The following PTPRA variants were observed in gnomAD, a reference collection of about 807,000 sequenced individuals.
PTPRA encodes protein tyrosine phosphatase receptor type A, also known as receptor-type tyrosine-protein phosphatase alpha.
In PTPRA, 25 loss-of-function variants were observed where a neutral mutation model predicts 104.8. The ratio of observed to expected loss-of-function variants is 0.24; its 90% CI spans 0.17 to 0.33. The LOEUF is 0.33. Among genes scored for constraint, PTPRA ranks in the 10% least tolerant of loss-of-function variants. The pLI, the probability that PTPRA is intolerant of heterozygous loss-of-function variation, is 1.00. For synonymous variants in PTPRA, 323 were observed against 368.9 expected (o/e 0.88, Z 1.43); for missense variants, 765 against 1,015.3 (o/e 0.75, Z 3.35).
chr20:2,875,335 C>T (rs1031436112), intron 1 of PTPRA, among the ~76,000 whole-genome samples: 1 of 152,192 alleles, frequency 6.6e-6, no homozygotes, highest in African/African-American at 2.4e-5. Flanking sequence ...ACTAAAAGCC[C>T]TTCAGTCTCT....
upstream of PTPRA, among the ~76,000 whole-genome samples, chr20:2,871,019 C>T (rs6138922): frequency 0.016 from 2,367 of 152,240 alleles, 124 homozygotes; most frequent in Admixed American, 0.09. Flanking sequence ...CTGGGCAGGT[C>T]TCTACAGGCA....
intron 20 of PTPRA, among the ~76,000 whole-genome samples, chr20:3,030,676 C>CTTTTTTTT (rs1180681994): frequency 1.2e-4 from 8 of 67,732 alleles, no homozygotes; most frequent in East Asian, 1.0e-3. Flanking sequence ...TCTCCCTCTG[C>CTTTTTTTT]TTTTTTTTTT....
chr20:2,873,999 G>A lies in PTPRA; in HGVS notation c.-129+239G>A, dbSNP rs1418830446. ...GTGCCGACCCCTCGCGACTGCCCAGGAACTTTGCATGCGTCCTTCTGGGAC... is the reference window on the plus strand; with the variant it reads ...GTGCCGACCCCTCGCGACTGCCCAGAAACTTTGCATGCGTCCTTCTGGGAC... On this transcript the variant is annotated intron_variant, in intron 1 of 23. Transcript: ENST00000399903. The surrounding 1 kb of genome is among the most constrained non-coding windows in gnomAD (Gnocchi z 4.4). Among the ~76,000 whole-genome samples the A allele has an allele frequency of 6.6e-6, 1 of 152,224 alleles. No individual in the cohort carries two copies. Among genetic ancestry groups the A allele is most frequent in the Non-Finnish European group, 1.5e-5 (1 of 68,036 alleles).
intron 6 of PTPRA, among the ~76,000 whole-genome samples, chr20:2,977,635 ACT>A (rs933310030): frequency 1.1e-4 from 16 of 150,318 alleles, no homozygotes; most frequent in African/African-American, 3.2e-4. Context: ...ACAGAGCAAG[ACT>A]CTGTCTCAAA....
chr20:2,989,162 C>T (rs966505459), intron 9 of PTPRA, among the ~76,000 whole-genome samples: 20 of 152,196 alleles, frequency 1.3e-4, no homozygotes, highest in Admixed American at 3.9e-4. Context: ...CTGGCCAGCA[C>T]GGTGACTCAC....
At position 2,950,413 on chromosome 20, in the gene PTPRA, C is replaced by T. The variant is rs1444616531; in HGVS notation, c.-7+2389C>T. On this transcript the variant is annotated intron_variant, in intron 3 of 23. Coordinates refer to ENST00000399903, the MANE Select transcript of PTPRA (RefSeq NM_001385305.1). This position sits in a 1 kb window ranked among gnomAD's most constrained non-coding sequence, Gnocchi z 4.0. ...CAGCACTTTGGGAGGCCGAGGCGGG[C>T]GGATCACGAGGTCAAGAGATCGAGA... 2.0e-5 allele frequency among the ~76,000 whole-genome samples: 3 copies of T among 151,608 alleles called. No homozygotes were observed. Among genetic ancestry groups the T allele is most frequent in the African/African-American group, 4.8e-5 (2 of 41,240 alleles).
intron 1 of PTPRA, among the ~76,000 whole-genome samples, chr20:2,894,675 A>G (rs2058925339): frequency 6.6e-6 from 1 of 152,016 alleles, no homozygotes; most frequent in African/African-American, 2.4e-5. Flanking sequence ...AAGGACTGTC[A>G]AAGATTGTAC....
chr20:2,901,802 A>G (rs951683489), intron 1 of PTPRA, among the ~76,000 whole-genome samples: 1 of 152,172 alleles, frequency 6.6e-6, no homozygotes, highest in Non-Finnish European at 1.5e-5. Flanking sequence ...TGAACAGTAA[A>G]GATACTGACT....
rs1385452149 is a variant in PTPRA, at chr20:2,950,266, T to C, written c.-7+2242T>C. Among the ~76,000 whole-genome samples, 1 of 152,206 alleles carries C rather than the reference T, an allele frequency of 6.6e-6. No individual in the cohort carries two copies. Among genetic ancestry groups the C allele is most frequent in the African/African-American group, 2.4e-5 (1 of 41,444 alleles). The stretch of plus-strand genomic sequence containing the variant: ...TTTCTAGAGATTCGTTCATTTTTCT[T>C]AGTTTTATTTGCCTATAATTGTGGA... On this transcript the variant is annotated intron_variant, in intron 3 of 23. Coordinates refer to ENST00000399903, the MANE Select transcript of PTPRA (RefSeq NM_001385305.1). The surrounding 1 kb of genome is among the most constrained non-coding windows in gnomAD (Gnocchi z 4.0).
chr20:2,916,985 T>G lies in PTPRA; in HGVS notation c.-128-6222T>G, dbSNP rs2059926437. Among the ~76,000 whole-genome samples, 3 of 134,056 alleles carry G rather than the reference T, an allele frequency of 2.2e-5. No homozygotes were observed. The South Asian group carries it at 7.0e-4, about 31-fold the overall frequency. 87.9% of individuals were successfully genotyped at this position (134,056 alleles called of 152,430 possible). A position where few individuals can be genotyped will look rare whatever the true frequency, so the allele number is the denominator to read the frequency against. On this transcript the variant is annotated intron_variant, in intron 1 of 23. Coordinates refer to ENST00000399903, the MANE Select transcript of PTPRA (RefSeq NM_001385305.1). ...TTTTTTTTTTTTTTTTGAGACAGAG[T>G]CTCCCTCTATTGCCCAGGCTGGAGT...
At chr20:2,965,286 A>C in intron 5 of PTPRA, 84 bp downstream of exon 5, 2 of 1,332,132 alleles carry the variant, frequency 1.5e-6, no homozygotes, top group Non-Finnish European at 2.0e-6. Flanking sequence ...CTAGCCTTAA[A>C]ATTTCTTCAA....
chr20:2,890,458 T>C (rs2058752458), intron 1 of PTPRA, among the ~76,000 whole-genome samples: 1 of 152,180 alleles, frequency 6.6e-6, no homozygotes, highest in Non-Finnish European at 1.5e-5. Context: ...CATTAGATAG[T>C]GCGTGGTAAA....
rs962264466 is a variant in PTPRA, at chr20:2,907,989, C to G, written c.-128-15218C>G. On this transcript the variant is annotated intron_variant, in intron 1 of 23. Transcript: ENST00000399903. ...GCCTAGAGAAAGGCTAATTAATACT[C>G]TTAAACAAGTTTATTTTCTCTGGAT... Among the ~76,000 whole-genome samples the G allele has an allele frequency of 3.3e-5, 5 of 152,090 alleles. No homozygotes were observed. In the South Asian group the frequency reaches 8.3e-4, roughly 25 times the overall value.
At position 2,981,476 on chromosome 20, in the gene PTPRA, G is replaced by A. The variant is rs2062670762; in HGVS notation, c.443-5289G>A. ...TTGCTACAGACATCTAATAATTAGA[G>A]GCTAGGGATATTGTTAAATGTCCTA... On this transcript the variant is annotated intron_variant, in intron 6 of 23. Coordinates refer to ENST00000399903, the MANE Select transcript of PTPRA (RefSeq NM_001385305.1). 3.9e-5 allele frequency among the ~76,000 whole-genome samples: 6 copies of A among 152,280 alleles called. No homozygotes were observed. The South Asian group carries it at 1.2e-3, about 32-fold the overall frequency.
At chr20:3,020,173 A>G (rs1045603073) in intron 13 of PTPRA, among the ~76,000 whole-genome samples, 6 of 152,018 alleles carry the variant, frequency 3.9e-5, no homozygotes, top group Admixed American at 3.9e-4. Flanking sequence ...CAGTGGTGCC[A>G]TCTCGGCTCA....
intron 2 of PTPRA, among the ~76,000 whole-genome samples, chr20:2,940,110 C>CAAACAA (rs372853471): frequency 4.1e-4 from 63 of 152,212 alleles, no homozygotes; most frequent in African/African-American, 1.4e-3. Context: ...AACTCCATCT[C>CAAACAA]AAACAAAAAC....
At chr20:2,927,454 A>G (rs1351259848) in intron 2 of PTPRA, among the ~76,000 whole-genome samples, 1 of 151,880 alleles carries the variant, frequency 6.6e-6, no homozygotes, top group Admixed American at 6.6e-5. Context: ...TTTCTTGTCT[A>G]TTTGCCTGTT....
In PTPRA at chr20:3,005,679, A is replaced by G. The variant is rs564419246; in HGVS notation, c.829+533A>G. 5.9e-5 allele frequency among the ~76,000 whole-genome samples: 9 copies of G among 152,322 alleles called. No homozygotes were observed. The East Asian group carries it at 1.7e-3, about 29-fold the overall frequency. On this transcript the variant is annotated intron_variant, in intron 10 of 23. Transcript: ENST00000399903. ...TACTCAGAGTCAATTAGGATGATCC[A>G]GGAGGATTTTTGTGTCAGGCCTAAA... is the stretch of plus-strand genomic sequence containing the variant.
In PTPRA at chr20:3,014,950, A is replaced by G. The variant is rs1034843149; in HGVS notation, c.907-899A>G. Among the ~76,000 whole-genome samples, 10 of 152,350 alleles carry G rather than the reference A, an allele frequency of 6.6e-5. No individual in the cohort carries two copies. The South Asian group carries it at 2.1e-3, about 32-fold the overall frequency. On this transcript the variant is annotated intron_variant, in intron 11 of 23. Coordinates refer to ENST00000399903, the MANE Select transcript of PTPRA (RefSeq NM_001385305.1). ...AAAAAGAAAGCTGCGGCCAGTTGTT[A>G]GTTTTTCCGAGGCTCCTTATCTGTT...
Sources: allele counts gnomAD v4.1 joint callset (sites outside exome capture counted in the v4.1 genomes callset), GRCh38; gene constraint gnomAD v4.1.1; non-coding constraint Gnocchi (gnomAD v3.1); transcripts MANE v1.5; gene names NCBI Gene and HGNC (gene_info 2026-07-23, HGNC 2026-07-21).